RBFOX1: variants seen among roughly 807,000 people sequenced by gnomAD.
RBFOX1 encodes the protein RNA binding fox-1 homolog 1, also known as RNA binding protein fox-1 homolog 1.
In RBFOX1, 8 loss-of-function variants were observed where a neutral mutation model predicts 57.7. The observed-to-expected ratio is 0.14, with a 90% CI of 0.08 to 0.25. The LOEUF (loss-of-function observed/expected upper bound fraction) is 0.25. Among genes scored for constraint, RBFOX1 ranks in the 10% least tolerant of loss-of-function variants. RBFOX1 has a pLI of 1.00. For synonymous variants in RBFOX1, 326 were observed against 222.4 expected (o/e 1.47, Z -4.15); for missense variants, 611 against 548.5 (o/e 1.11, Z -1.14).
At chr16:6,947,031 C>T (rs1315915127) in intron 3 of RBFOX1, among the ~76,000 whole-genome samples, 3 of 152,198 alleles carry the variant, frequency 2.0e-5, no homozygotes, top group Non-Finnish European at 4.4e-5. Flanking sequence ...CACCTCTCTC[C>T]TGGCCTCAGG....
At chr16:7,329,617 C>A (rs1331570616) in intron 4 of RBFOX1, among the ~76,000 whole-genome samples, 1 of 152,182 alleles carries the variant, frequency 6.6e-6, no homozygotes, top group Non-Finnish European at 1.5e-5. Context: ...GAAGTCAATA[C>A]AACTTCAAAA....
chr16:5,733,197 T>G (rs570940074), intron 3 of RBFOX1, among the ~76,000 whole-genome samples: 1 of 152,236 alleles, frequency 6.6e-6, no homozygotes, highest in African/African-American at 2.4e-5. Flanking sequence ...AACTAGGAAA[T>G]TAGAATTAAA....
intron 2 of RBFOX1, among the ~76,000 whole-genome samples, chr16:5,572,995 A>T (rs770008373): frequency 6.6e-6 from 1 of 152,092 alleles, no homozygotes; most frequent in Non-Finnish European, 1.5e-5. Context: ...CTGACCTTTG[A>T]TGAAGGCTGC....
rs60826696 is a variant in RBFOX1, at chr16:7,371,922, C to G, written c.28-146225C>G. Among the ~76,000 whole-genome samples, 464 of 151,932 alleles carry G rather than the reference C, an allele frequency of 3.1e-3. 3 individuals are homozygous for G. The Middle Eastern group carries it at 0.034, about 11-fold the overall frequency. ...TGGAGCCTCCTTCAGTTTTTCTACA[C>G]TAGGTGGCTGTGACATACCTTATTT... is the stretch of plus-strand genomic sequence containing the variant. On this transcript the variant is annotated intron_variant, in intron 4 of 15. Transcript: ENST00000550418.
chr16:6,320,394 G>A (rs1427637682), intron 2 of RBFOX1, among the ~76,000 whole-genome samples: 1 of 151,968 alleles, frequency 6.6e-6, no homozygotes. Flanking sequence ...TTGGGTGATG[G>A]GTTGTTTGGG....
intron 4 of RBFOX1, among the ~76,000 whole-genome samples, chr16:7,189,656 A>G (rs934521421): frequency 6.6e-6 from 1 of 151,880 alleles, no homozygotes; most frequent in South Asian, 2.1e-4. Flanking sequence ...TTTTCCCTTC[A>G]TTTGTAAACT....
At chr16:5,504,485 T>G (rs551254043) in intron 2 of RBFOX1, among the ~76,000 whole-genome samples, 4 of 152,250 alleles carry the variant, frequency 2.6e-5, no homozygotes, top group Non-Finnish European at 2.9e-5. Flanking sequence ...AGGCAGTCAC[T>G]GTCCACACAC....
chr16:7,078,928 T>G (rs1018386578), intron 4 of RBFOX1, among the ~76,000 whole-genome samples: 3 of 137,674 alleles, frequency 2.2e-5, no homozygotes, highest in Non-Finnish European at 3.1e-5. Context: ...CAGGCTGGTC[T>G]TGAGCTCCTG....
intron 1 of RBFOX1, among the ~76,000 whole-genome samples, chr16:5,382,744 A>G (rs551080891): frequency 1.3e-5 from 2 of 152,294 alleles, no homozygotes; most frequent in African/African-American, 2.4e-5. Context: ...GTATCTTTTT[A>G]TGTTTAAGGA....
chr16:6,732,199 T>C (rs2068791822), intron 3 of RBFOX1, among the ~76,000 whole-genome samples: 1 of 152,220 alleles, frequency 6.6e-6, no homozygotes, highest in African/African-American at 2.4e-5. Context: ...CCCTGCTTAC[T>C]CACAGTTGCT....
chr16:6,592,724 G>A (rs548972202), intron 2 of RBFOX1, among the ~76,000 whole-genome samples: 10 of 152,304 alleles, frequency 6.6e-5, no homozygotes, highest in Admixed American at 1.3e-4. Context: ...GTACCCACCT[G>A]TGTGTAGATG....
chr16:6,589,842 T>C (rs773652163), intron 2 of RBFOX1, among the ~76,000 whole-genome samples: 2 of 152,204 alleles, frequency 1.3e-5, no homozygotes, highest in Non-Finnish European at 2.9e-5. Flanking sequence ...AGAAGCAAGA[T>C]GGAGCCAGTT....
chr16:7,085,522 T>C (rs1288295824), intron 4 of RBFOX1, among the ~76,000 whole-genome samples: 2 of 152,060 alleles, frequency 1.3e-5, no homozygotes, highest in African/African-American at 4.8e-5. Flanking sequence ...GCATCCCGGG[T>C]GCCTCCACAG....
intron 2 of RBFOX1, among the ~76,000 whole-genome samples, chr16:5,544,431 T>G (rs1335028539): frequency 6.6e-6 from 1 of 152,024 alleles, no homozygotes; most frequent in East Asian, 1.9e-4. Context: ...GAAAGGGAAA[T>G]GTATATAGCA....
chr16:6,695,597 T>TCAATATATTTTCA (rs1365448158), intron 3 of RBFOX1, among the ~76,000 whole-genome samples: 1 of 152,020 alleles, frequency 6.6e-6, no homozygotes, highest in East Asian at 1.9e-4. Context: ...ATGAGCACTC[T>TCAATATATTTTCA]CAATATATTT....
intron 3 of RBFOX1, among the ~76,000 whole-genome samples, chr16:6,657,551 T>C (rs2098668121): frequency 1.3e-5 from 2 of 152,140 alleles, no homozygotes; most frequent in African/African-American, 4.8e-5. Context: ...CTCTGGTGCC[T>C]CTGCCACACT....
At chr16:6,657,745 G>T (rs142995828) in intron 3 of RBFOX1, among the ~76,000 whole-genome samples, 4 of 152,116 alleles carry the variant, frequency 2.6e-5, no homozygotes, top group African/African-American at 9.7e-5. Flanking sequence ...TCTCTGAAGC[G>T]GCAGCCTCTT....
intron 3 of RBFOX1, among the ~76,000 whole-genome samples, chr16:6,754,952 G>C (rs1450580854): frequency 6.6e-6 from 1 of 152,122 alleles, no homozygotes; most frequent in African/African-American, 2.4e-5. Context: ...AGAATATGCG[G>C]TGTTTGGTTT....
intron 1 of RBFOX1, among the ~76,000 whole-genome samples, chr16:5,331,075 CT>C (rs2064741491): frequency 6.6e-6 from 1 of 152,058 alleles, no homozygotes; most frequent in South Asian, 2.1e-4. Flanking sequence ...GGTGATGTGG[CT>C]CTAGGAGAAA....
Sources: allele counts gnomAD v4.1 joint callset (sites outside exome capture counted in the v4.1 genomes callset), GRCh38; gene constraint gnomAD v4.1.1; transcripts MANE v1.5; gene names NCBI Gene and HGNC (gene_info 2026-07-23, HGNC 2026-07-21).